STXBP5L: variants seen among roughly 807,000 people sequenced by gnomAD.
STXBP5L encodes the protein syntaxin binding protein 5L.
Under a neutral mutation model 144.5 loss-of-function variants are expected in STXBP5L, and 65 were observed. The ratio of observed to expected loss-of-function variants is 0.45; its 90% confidence interval spans 0.37 to 0.55. The LOEUF (loss-of-function observed/expected upper bound fraction) is 0.55, where lower values mean the gene tolerates loss of function less well. Ranked by LOEUF, STXBP5L falls within the 20% of genes least tolerant of loss-of-function variation. The pLI is 0.00. For synonymous variants in STXBP5L, 505 were observed against 469.6 expected, an observed-to-expected ratio of 1.08 and a Z score of -0.97; for missense variants, 1,298 against 1,405.5, an observed-to-expected ratio of 0.92 and a Z score of 1.22.
At chr3:121,381,631 A>G (rs746064354) in intron 22 of STXBP5L, 99 bp downstream of exon 22, 3 of 1,469,198 alleles carry the variant, frequency 2.0e-6, no homozygotes, top group African/African-American at 1.5e-5. Context: ...AGCAAAGGTT[A>G]TAAGTATTCT....
At chr3:121,213,399 T>C (rs537962453) in intron 10 of STXBP5L, among the ~76,000 whole-genome samples, 1 of 152,302 alleles carries the variant, frequency 6.6e-6, no homozygotes, top group African/African-American at 2.4e-5. Flanking sequence ...CCTAGTTTAT[T>C]GAGAGTTTTT....
At chr3:120,964,521 C>T (rs1173804876) in intron 3 of STXBP5L, among the ~76,000 whole-genome samples, 1 of 152,120 alleles carries the variant, frequency 6.6e-6, no homozygotes, top group Non-Finnish European at 1.5e-5. Context: ...GCCTTCATTT[C>T]GTTATTTACC....
intron 6 of STXBP5L, among the ~76,000 whole-genome samples, chr3:121,115,881 C>G (rs868384562): frequency 6.6e-6 from 1 of 151,988 alleles, no homozygotes; most frequent in Admixed American, 6.6e-5. Flanking sequence ...CAAGATCTCA[C>G]GAGAATTCAT....
At chr3:121,046,977 G>C (rs945637011) in intron 5 of STXBP5L, among the ~76,000 whole-genome samples, 1 of 151,824 alleles carries the variant, frequency 6.6e-6, no homozygotes, top group Non-Finnish European at 1.5e-5. Flanking sequence ...ATGAATTTTT[G>C]ATGTGGACCT....
intron 20 of STXBP5L, among the ~76,000 whole-genome samples, chr3:121,378,371 C>T (rs1288438108): frequency 1.3e-5 from 2 of 152,078 alleles, no homozygotes; most frequent in Non-Finnish European, 2.9e-5. Flanking sequence ...TCTTTTTAAA[C>T]TCCAAGCACT....
chr3:121,187,686 T>C (rs2047454081), intron 9 of STXBP5L, among the ~76,000 whole-genome samples: 1 of 151,714 alleles, frequency 6.6e-6, no homozygotes, highest in Middle Eastern at 3.2e-3. Context: ...AATTCACACA[T>C]AACAATGTTA....
intron 3 of STXBP5L, among the ~76,000 whole-genome samples, chr3:121,007,794 G>A (rs553518543): frequency 1.3e-5 from 2 of 151,974 alleles, no homozygotes; most frequent in African/African-American, 4.8e-5. Context: ...AATTGTAATG[G>A]TCAAAAGAAT....
intron 19 of STXBP5L, among the ~76,000 whole-genome samples, chr3:121,303,044 G>A (rs1213995280): frequency 1.3e-5 from 2 of 152,094 alleles, no homozygotes; most frequent in African/African-American, 2.4e-5. Flanking sequence ...ATCTAATTAA[G>A]CTAAAGAGCT....
At chr3:121,188,712 T>A (rs1577157470) in intron 9 of STXBP5L, among the ~76,000 whole-genome samples, 1 of 152,126 alleles carries the variant, frequency 6.6e-6, no homozygotes, top group African/African-American at 2.4e-5. Flanking sequence ...AAAAACCACA[T>A]GATTATCTCA....
intron 3 of STXBP5L, among the ~76,000 whole-genome samples, chr3:120,978,010 A>T (rs1157163572): frequency 6.6e-6 from 1 of 152,158 alleles, no homozygotes; most frequent in East Asian, 1.9e-4. Context: ...GGTGAATATG[A>T]CAATTATGTG....
intron 3 of STXBP5L, among the ~76,000 whole-genome samples, chr3:121,006,886 C>A (rs554313290): frequency 6.6e-6 from 1 of 152,152 alleles, no homozygotes; most frequent in African/African-American, 2.4e-5. Context: ...CCCCCACTCT[C>A]TTCTGGCTTG....
intron 3 of STXBP5L, among the ~76,000 whole-genome samples, chr3:121,006,741 G>A (rs1944345024): frequency 6.6e-6 from 1 of 152,100 alleles, no homozygotes; most frequent in South Asian, 2.1e-4. Flanking sequence ...TTTAGGGCAG[G>A]CCTGGTGGTG....
At chr3:121,257,860 A>T in intron 17 of STXBP5L, among the ~76,000 whole-genome samples, 1 of 152,178 alleles carries the variant, frequency 6.6e-6, no homozygotes, top group East Asian at 1.9e-4. Flanking sequence ...AGGAGTTTAA[A>T]GTTGCAGTGA....
At chr3:121,263,173 A>C (rs1281184547) in intron 18 of STXBP5L, among the ~76,000 whole-genome samples, 1 of 152,222 alleles carries the variant, frequency 6.6e-6, no homozygotes, top group Non-Finnish European at 1.5e-5. Context: ...TACCCAGGCA[A>C]ACAGGTTCTG....
intron 5 of STXBP5L, among the ~76,000 whole-genome samples, chr3:121,047,830 C>T (rs962363380): frequency 6.6e-6 from 1 of 152,116 alleles, no homozygotes; most frequent in South Asian, 2.1e-4. Context: ...TTAATTGGAG[C>T]ATTTAGCCAA....
intron 3 of STXBP5L, among the ~76,000 whole-genome samples, chr3:121,001,321 A>T (rs1324386662): frequency 6.6e-6 from 1 of 152,212 alleles, no homozygotes; most frequent in Non-Finnish European, 1.5e-5. Context: ...CTACACTGCA[A>T]GTGGATGTGG....
intron 20 of STXBP5L, among the ~76,000 whole-genome samples, chr3:121,332,216 A>T (rs1015841325): frequency 1.3e-5 from 2 of 152,008 alleles, no homozygotes; most frequent in African/African-American, 4.8e-5. Flanking sequence ...CCCCCAAAAG[A>T]TCATACTAGG....
chr3:120,991,366 C>G (rs1025737586), intron 3 of STXBP5L, among the ~76,000 whole-genome samples: 4 of 151,544 alleles, frequency 2.6e-5, no homozygotes, highest in African/African-American at 7.3e-5. Flanking sequence ...AATAGGAACA[C>G]TTTTACAGTG....
chr3:121,121,134 C>G (rs2044441191), intron 6 of STXBP5L, among the ~76,000 whole-genome samples: 1 of 151,132 alleles, frequency 6.6e-6, no homozygotes, highest in African/African-American at 2.4e-5. Context: ...TGTTGTTTTT[C>G]TGTAAAAGCG....
Sources: allele counts gnomAD v4.1 joint callset (sites outside exome capture counted in the v4.1 genomes callset), GRCh38; gene constraint gnomAD v4.1.1; transcripts MANE v1.5; gene names NCBI Gene and HGNC (gene_info 2026-07-23, HGNC 2026-07-21).